Variants in ZC3H7B observed in about 807,000 individuals in gnomAD.
The protein encoded by ZC3H7B is zinc finger CCCH domain-containing protein 7B.
ZC3H7B carries 35 observed loss-of-function variants against 116.0 expected under a neutral mutation model. That is an observed-to-expected ratio of 0.30 (90% confidence interval 0.23 to 0.40). ZC3H7B has a LOEUF of 0.40. Ranked by LOEUF, ZC3H7B falls within the 10% of genes least tolerant of loss-of-function variation. The pLI, the probability that ZC3H7B is intolerant of heterozygous loss-of-function variation, is 1.00. For synonymous variants in ZC3H7B, 502 were observed against 545.6 expected (o/e 0.92, Z 1.11); for missense variants, 1,011 against 1,321.5 (o/e 0.77, Z 3.64).
At chr22:41,324,062 T>A (rs2036289663) in intron 2 of ZC3H7B, among the ~76,000 whole-genome samples, 1 of 151,126 alleles carries the variant, frequency 6.6e-6, no homozygotes, top group Non-Finnish European at 1.5e-5. Context: ...ACAGCGAGAC[T>A]CTGTCTGGAA....
At chr22:41,310,946 T>C (rs2036109757) in intron 1 of ZC3H7B, among the ~76,000 whole-genome samples, 4 of 151,982 alleles carry the variant, frequency 2.6e-5, no homozygotes, top group Admixed American at 2.6e-4. Context: ...TTTGTGTTTT[T>C]AGTAGAGAGG....
intron 22 of ZC3H7B, 134 bp downstream of exon 22, chr22:41,356,942 G>C (rs891375991): frequency 7.2e-7 from 1 of 1,390,964 alleles, no homozygotes; most frequent in Non-Finnish European, 9.7e-7. Flanking sequence ...CTGCAGCCAT[G>C]GGGGTGGTGG....
At chr22:41,330,763 G>A (rs1010436514) in intron 6 of ZC3H7B, among the ~76,000 whole-genome samples, 27 of 151,678 alleles carry the variant, frequency 1.8e-4, no homozygotes, top group African/African-American at 6.3e-4. Flanking sequence ...TCAACATGTA[G>A]AAACCCCATC....
At chr22:41,306,620 T>G (rs2036044659) in intron 1 of ZC3H7B, among the ~76,000 whole-genome samples, 1 of 152,210 alleles carries the variant, frequency 6.6e-6, no homozygotes, top group Non-Finnish European at 1.5e-5. Context: ...TCCACCCGCC[T>G]GGGCCTCTCA....
chr22:41,348,224 G>C, intron 15 of ZC3H7B, 57 bp downstream of exon 15: 3 of 1,505,080 alleles, frequency 2.0e-6, no homozygotes, highest in Non-Finnish European at 2.8e-6. Context: ...AGTCCCCTCA[G>C]GCAGCTCAGA....
At chr22:41,353,205 A>G (rs2036675540) in intron 17 of ZC3H7B, among the ~76,000 whole-genome samples, 1 of 152,166 alleles carries the variant, frequency 6.6e-6, no homozygotes, top group South Asian at 2.1e-4. Flanking sequence ...GATCTTCGCC[A>G]TGGTCCTGAA....
intron 2 of ZC3H7B, 97 bp from the exon 3 acceptor site, chr22:41,325,467 G>C: frequency 6.7e-7 from 1 of 1,503,452 alleles, no homozygotes; most frequent in South Asian, 1.2e-5. Flanking sequence ...AGTCCACAAG[G>C]TGATGGCTGA....
At chr22:41,321,829 CTTTTTT>C (rs199611879) in intron 2 of ZC3H7B, among the ~76,000 whole-genome samples, 5 of 90,974 alleles carry the variant, frequency 5.5e-5, no homozygotes, top group South Asian at 3.3e-4. Flanking sequence ...AACTCACATT[CTTTTTT>C]TTTTTTTTTT....
Position 41,302,828 on chromosome 22 carries a change from T to G in ZC3H7B, c.-7+1056T>G. 6.9e-6 allele frequency among the ~76,000 whole-genome samples: 1 copy of G among 144,578 alleles called. No individual in the cohort carries two copies. The highest frequency in any genetic ancestry group is 2.6e-5 in the African/African-American group (1 of 39,046). 94.8% of individuals were successfully genotyped at this position (144,578 alleles called of 152,430 possible). A position where few individuals can be genotyped will look rare whatever the true frequency, so the allele number is the denominator to read the frequency against. On this transcript the variant is annotated intron_variant, in intron 1 of 22. Transcript: ENST00000352645. This position sits in a 1 kb window ranked among gnomAD's most constrained non-coding sequence, Gnocchi z 5.7. The stretch of plus-strand genomic sequence containing the variant: ...AAGACTAGGGGGCTAGGGCCCTGCG[T>G]GGGGAGTCTGGGGGCTCTAAAAGGG...
intron 17 of ZC3H7B, among the ~76,000 whole-genome samples, chr22:41,353,746 C>T (rs571916419): frequency 6.6e-6 from 1 of 152,340 alleles, no homozygotes; most frequent in Admixed American, 6.5e-5. Context: ...CAGGGCTGCC[C>T]ACCACCTCGA....
rs938726497 is a variant in ZC3H7B, at chr22:41,349,543, T to C, written c.1948+242T>C. Among the ~76,000 whole-genome samples the C allele has an allele frequency of 6.6e-6, 1 of 152,046 alleles. No homozygotes were observed. The highest frequency in any genetic ancestry group is 6.5e-5 in the Admixed American group (1 of 15,270). On this transcript the variant is annotated intron_variant, in intron 16 of 22. Transcript: ENST00000352645. The surrounding 1 kb of genome is among the most constrained non-coding windows in gnomAD (Gnocchi z 4.9). The stretch of plus-strand genomic sequence containing the variant: ...GGCTCGGAGATCTGGGTTTTTCCCT[T>C]CGTAGGCACCGTCCAGGGAGCACGG...
intron 5 of ZC3H7B, among the ~76,000 whole-genome samples, chr22:41,328,215 G>A (rs1486344164): frequency 6.6e-6 from 1 of 152,124 alleles, no homozygotes; most frequent in Non-Finnish European, 1.5e-5. Flanking sequence ...CCACACCTAG[G>A]TCTCACTGGT....
At chr22:41,341,048 G>C in intron 10 of ZC3H7B, 40 bp from the exon 11 acceptor site, 1 of 1,603,428 alleles carries the variant, frequency 6.2e-7, no homozygotes, top group African/African-American at 1.3e-5. Context: ...TCACGCCTCA[G>C]AGCCAGAGCC....
At position 41,327,672 on chromosome 22, in the gene ZC3H7B, C is replaced by T. The variant is rs2036335311; in HGVS notation, c.444+308C>T. On this transcript the variant is annotated intron_variant, in intron 5 of 22. Transcript: ENST00000352645. This position sits in a 1 kb window ranked among gnomAD's most constrained non-coding sequence, Gnocchi z 4.5. Reference sequence around the variant, plus strand: ...ACACAGTGGCTCACGCCTGTAATCTCAGCACTTTCGGAGGCTGAGGCAGGC... The same window carrying T: ...ACACAGTGGCTCACGCCTGTAATCTTAGCACTTTCGGAGGCTGAGGCAGGC... 3.3e-5 allele frequency among the ~76,000 whole-genome samples: 5 copies of T among 152,376 alleles called. No homozygotes were observed. The South Asian group carries it at 8.3e-4, about 25-fold the overall frequency.
intron 1 of ZC3H7B, among the ~76,000 whole-genome samples, chr22:41,312,825 C>T (rs559928071): frequency 3.3e-5 from 5 of 152,126 alleles, no homozygotes; most frequent in African/African-American, 1.2e-4. Flanking sequence ...GTGGGAGGAT[C>T]GCTTGAGCCT....
At position 41,302,009 on chromosome 22, in the gene ZC3H7B, C is replaced by T. The variant is rs986186391; in HGVS notation, c.-7+237C>T. Among the ~76,000 whole-genome samples, 1 of 152,142 alleles carries T rather than the reference C, an allele frequency of 6.6e-6. No homozygotes were observed. Among genetic ancestry groups the T allele is most frequent in the Non-Finnish European group, 1.5e-5 (1 of 68,018 alleles). ...TTTTTGGGGATCCCGGTCCCCGTGC[C>T]CTGCCCCAAAGTTTAAAAGTTACCG... On this transcript the variant is annotated intron_variant, in intron 1 of 22. Transcript: ENST00000352645. This position sits in a 1 kb window ranked among gnomAD's most constrained non-coding sequence, Gnocchi z 5.7.
intron 15 of ZC3H7B, 107 bp downstream of exon 15, chr22:41,348,274 T>A: frequency 1.0e-6 from 1 of 999,554 alleles, no homozygotes; most frequent in Non-Finnish European, 1.5e-6. Flanking sequence ...GGATGTAGGG[T>A]GCAAGGAAAG....
intron 1 of ZC3H7B, among the ~76,000 whole-genome samples, chr22:41,307,379 C>G (rs973864795): frequency 6.6e-5 from 10 of 152,192 alleles, no homozygotes; most frequent in African/African-American, 1.7e-4. Flanking sequence ...TTCATTCCCC[C>G]CAGGGAGACT....
Position 41,325,595 on chromosome 22 carries a change from G to A in ZC3H7B, c.85G>A (p.Glu29Lys). The A allele has an allele frequency of 6.2e-7, 1 of 1,612,062 alleles. No homozygotes were observed. The highest frequency in any genetic ancestry group is 1.1e-5 in the South Asian group (1 of 90,638). Residue 29 changes from glutamate (E) to lysine (K), a missense_variant and splice_region_variant, in exon 3 of 23, where the codon GAG becomes AAG. By Grantham distance (56) the Glu-to-Lys change is moderately conservative (BLOSUM62 1). Coordinates refer to ENST00000352645, the MANE Select transcript of ZC3H7B (RefSeq NM_017590.6). ...STLPLKQEEYEAFLLKLVQNL... is the reference protein window; with the variant it reads ...STLPLKQEEYKAFLLKLVQNL... ...ACTACCCCTAAAGCAAGAAGAATAT[G>A]AGGTGAGTGTCAGCTGCCAGGCTGA... is the stretch of plus-strand genomic sequence containing the variant.
Sources: gnomAD v4.1 joint callset for allele counts (sites outside exome capture counted in the v4.1 genomes callset) on GRCh38, gnomAD v4.1.1 for gene constraint, Gnocchi (gnomAD v3.1) non-coding constraint, MANE v1.5 for transcripts, NCBI Gene and HGNC (gene_info 2026-07-23, HGNC 2026-07-21) for gene names.